PTPN13: variants seen among roughly 807,000 people sequenced by gnomAD.
PTPN13 encodes the protein tyrosine-protein phosphatase non-receptor type 13.
PTPN13 carries 191 observed loss-of-function variants against 284.0 expected under a neutral mutation model. The observed-to-expected ratio is 0.67, with a 90% CI of 0.60 to 0.76. PTPN13 has a LOEUF of 0.76. Among genes scored for constraint, PTPN13 ranks in the 30% least tolerant of loss-of-function variants. The probability of loss-of-function intolerance (pLI) is 0.00; values close to 1 mark genes in which losing one functional copy is unlikely to be tolerated. For missense variants in PTPN13, 2,797 were observed against 2,939.9 expected (o/e 0.95, Z 1.12); for synonymous variants, 986 against 1,022.3 (o/e 0.96, Z 0.68).
At chr4:86,623,035 G>T (rs895915543) in intron 1 of PTPN13, among the ~76,000 whole-genome samples, 2 of 152,122 alleles carry the variant, frequency 1.3e-5, no homozygotes, top group Non-Finnish European at 2.9e-5. Flanking sequence ...CTTCCTTCAA[G>T]ATATTTCCAG....
intron 17 of PTPN13, among the ~76,000 whole-genome samples, chr4:86,746,668 C>T (rs374979052): frequency 6.6e-6 from 1 of 151,844 alleles, no homozygotes; most frequent in South Asian, 2.1e-4. Flanking sequence ...TACGGAGTTT[C>T]GCTCTTGTCA....
intron 36 of PTPN13, among the ~76,000 whole-genome samples, chr4:86,781,617 A>G (rs550711344): frequency 1.3e-5 from 2 of 152,346 alleles, no homozygotes; most frequent in South Asian, 2.1e-4. Flanking sequence ...GCGAAAAATT[A>G]TAATCAGTGT....
chr4:86,641,818 A>G (rs182991825), intron 2 of PTPN13, among the ~76,000 whole-genome samples: 1 of 152,310 alleles, frequency 6.6e-6, no homozygotes, highest in African/African-American at 2.4e-5. Context: ...CTTACACATG[A>G]TCTATCTTTG....
At position 86,594,693 on chromosome 4, in the gene PTPN13, G is replaced by T. The variant is rs1299500014; in HGVS notation, c.-102G>T. On this transcript the variant is annotated 5_prime_UTR_variant, in exon 1 of 48. Transcript: ENST00000411767. ...TGTGGGAGAAGTGGTGGTGGCTCTC[G>T]GCGCCCGCGGCGGCTGCCGGCGGCC... is the stretch of plus-strand genomic sequence containing the variant. The T allele has an allele frequency of 6.6e-6, 1 of 152,304 alleles. No individual in the cohort carries two copies. Among genetic ancestry groups the T allele is most frequent in the Admixed American group, 6.5e-5 (1 of 15,276 alleles). The allele number at this position is 152,304 out of a possible 1,614,324, so 9.4% of individuals were successfully genotyped here.
At chr4:86,683,153 G>A (rs1001761117) in intron 3 of PTPN13, among the ~76,000 whole-genome samples, 2 of 128,732 alleles carry the variant, frequency 1.6e-5, no homozygotes, top group African/African-American at 6.3e-5. Context: ...GTGTGTGCGT[G>A]TGTGTGTGTG....
At chr4:86,796,081 A>C (rs1225588230) in intron 40 of PTPN13, among the ~76,000 whole-genome samples, 1 of 152,178 alleles carries the variant, frequency 6.6e-6, no homozygotes, top group Admixed American at 6.5e-5. Flanking sequence ...AATTGTAGCA[A>C]ACTGCTCCTG....
At chr4:86,636,968 T>C (rs1723096649) in intron 2 of PTPN13, among the ~76,000 whole-genome samples, 1 of 151,030 alleles carries the variant, frequency 6.6e-6, no homozygotes, top group Non-Finnish European at 1.5e-5. Flanking sequence ...AAGAATCAAA[T>C]AGACGCAATA....
At chr4:86,749,282 TTCC>T (rs548448683) in intron 17 of PTPN13, among the ~76,000 whole-genome samples, 41 of 151,990 alleles carry the variant, frequency 2.7e-4, no homozygotes, top group Middle Eastern at 3.4e-3. Context: ...CTGTCTCCTC[TTCC>T]TCCTCCTCCT....
intron 35 of PTPN13, 36 bp downstream of exon 35, chr4:86,775,688 T>G: frequency 6.8e-7 from 1 of 1,470,114 alleles, no homozygotes. Flanking sequence ...TGATTGTGCG[T>G]GTGTGTGCAT....
chr4:86,714,842 A>G (rs1032537704), intron 7 of PTPN13, among the ~76,000 whole-genome samples: 1 of 152,212 alleles, frequency 6.6e-6, no homozygotes, highest in African/African-American at 2.4e-5. Flanking sequence ...TTTTTCTCAG[A>G]GAACTTATAA....
chr4:86,601,458 C>G (rs1421045246), intron 1 of PTPN13, among the ~76,000 whole-genome samples: 1 of 151,908 alleles, frequency 6.6e-6, no homozygotes, highest in East Asian at 1.9e-4. Flanking sequence ...GCATATAATT[C>G]TTAGAGTTAC....
chr4:86,697,622 AT>A (rs1730711616), intron 6 of PTPN13, among the ~76,000 whole-genome samples: 1 of 152,150 alleles, frequency 6.6e-6, no homozygotes, highest in African/African-American at 2.4e-5. Context: ...AACTTACACT[AT>A]TATTCAGATC....
chr4:86,674,035 A>C (rs1728007921), intron 3 of PTPN13, among the ~76,000 whole-genome samples: 1 of 152,166 alleles, frequency 6.6e-6, no homozygotes, highest in Non-Finnish European at 1.5e-5. Context: ...GTGGAAAAGA[A>C]CTGAAAATGG....
intron 24 of PTPN13, among the ~76,000 whole-genome samples, chr4:86,763,748 A>T (rs1738966518): frequency 6.6e-6 from 1 of 152,030 alleles, no homozygotes; most frequent in African/African-American, 2.4e-5. Context: ...TCTCTACAAA[A>T]CATTTCTTAA....
chr4:86,638,950 C>T (rs1365424516), intron 2 of PTPN13, among the ~76,000 whole-genome samples: 1 of 152,136 alleles, frequency 6.6e-6, no homozygotes, highest in Non-Finnish European at 1.5e-5. Flanking sequence ...GGGCTAATAT[C>T]CAGAATCTAC....
chr4:86,735,750 A>G lies in PTPN13; in HGVS notation c.2304+4A>G. ...GACAGAGTTAGAATTTTTAAAGGTA[A>G]GCATCCAAGATTACAAATGATAAGC... On this transcript the variant is annotated splice_donor_region_variant and intron_variant, in intron 15 of 47. Coordinates refer to ENST00000411767, the MANE Select transcript of PTPN13 (RefSeq NM_080683.3). 6.2e-7 allele frequency: 1 copy of G among 1,606,594 alleles called. No homozygotes were observed. The highest frequency in any genetic ancestry group is 8.5e-7 in the Non-Finnish European group (1 of 1,177,240).
intron 32 of PTPN13, among the ~76,000 whole-genome samples, chr4:86,773,857 T>C (rs1378883567): frequency 1.3e-5 from 2 of 152,124 alleles, no homozygotes; most frequent in African/African-American, 4.8e-5. Flanking sequence ...TTGAAATCTT[T>C]TAAAAGTATA....
intron 5 of PTPN13, chr4:86,689,839 GTT>G: frequency 1.5e-6 from 1 of 680,132 alleles, no homozygotes; most frequent in East Asian, 2.7e-5. Flanking sequence ...ATTTTATCTT[GTT>G]TGCCCTATCT....
At chr4:86,716,925 T>G in intron 8 of PTPN13, 99 bp from the exon 9 acceptor site, 1 of 793,680 alleles carries the variant, frequency 1.3e-6, no homozygotes, top group Non-Finnish European at 2.0e-6. Context: ...GTGGATTAGA[T>G]TTGTACAACT....
Sources: gnomAD v4.1 joint callset for allele counts (sites outside exome capture counted in the v4.1 genomes callset) on GRCh38, gnomAD v4.1.1 for gene constraint, MANE v1.5 for transcripts, NCBI Gene and HGNC (gene_info 2026-07-23, HGNC 2026-07-21) for gene names.